NBEAL1: variants seen among roughly 807,000 people sequenced by gnomAD.
NBEAL1 encodes the protein neurobeachin like 1.
NBEAL1 carries 273 observed loss-of-function variants against 351.3 expected under a neutral mutation model. That is an observed-to-expected ratio of 0.78 (90% CI 0.70 to 0.86). NBEAL1 has a LOEUF of 0.86. NBEAL1 is among the 40% of genes least tolerant of loss of function. The pLI is 0.00. For missense variants in NBEAL1, 2,961 were observed against 3,201.3 expected (o/e 0.92, Z 1.81); for synonymous variants, 1,050 against 1,086.4 (o/e 0.97, Z 0.66).
chr2:203,059,927 A>T (rs561017667), intron 6 of NBEAL1, among the ~76,000 whole-genome samples: 3 of 152,328 alleles, frequency 2.0e-5, no homozygotes, highest in South Asian at 2.1e-4. Context: ...GGTTCTAACT[A>T]ATCAGTGTTC....
intron 10 of NBEAL1, among the ~76,000 whole-genome samples, chr2:203,096,523 G>A (rs1418191767): frequency 6.6e-6 from 1 of 152,076 alleles, no homozygotes; most frequent in East Asian, 1.9e-4. Flanking sequence ...CAAGTTGAAG[G>A]CCTTTTGGGA....
chr2:203,138,069 G>T, intron 29 of NBEAL1, 93 bp from the exon 30 acceptor site: 1 of 1,121,050 alleles, frequency 8.9e-7, no homozygotes, highest in South Asian at 1.5e-5. Flanking sequence ...TAGAGATACA[G>T]TGCTGCCTCT....
intron 13 of NBEAL1, 31 bp downstream of exon 13, chr2:203,107,549 C>T (rs1308502022): frequency 5.2e-6 from 8 of 1,540,232 alleles, no homozygotes; most frequent in Non-Finnish European, 6.1e-6. Context: ...AAGAGAATTT[C>T]TGTTAATATC....
chr2:203,024,801 G>A (rs191458614), intron 2 of NBEAL1, among the ~76,000 whole-genome samples: 2 of 152,146 alleles, frequency 1.3e-5, no homozygotes, highest in South Asian at 2.1e-4. Flanking sequence ...GGCGGAGACT[G>A]TAGTGAGCCG....
chr2:203,196,105 A>C (rs1559056318), intron 47 of NBEAL1, among the ~76,000 whole-genome samples: 1 of 152,198 alleles, frequency 6.6e-6, no homozygotes, highest in South Asian at 2.1e-4. Flanking sequence ...ACAAGACCCT[A>C]TTTGACCCAT....
chr2:203,208,080 A>G (rs575882588), intron 51 of NBEAL1, among the ~76,000 whole-genome samples: 1 of 152,222 alleles, frequency 6.6e-6, no homozygotes, highest in South Asian at 2.1e-4. Flanking sequence ...CCCAGAGTTC[A>G]AGACCAGCCT....
In NBEAL1 at chr2:203,172,825, GA is replaced by G; in HGVS notation, c.6302del (p.Asn2101ThrfsTer5). The G allele has an allele frequency of 1.2e-6, 2 of 1,608,076 alleles. No homozygotes were observed. Among genetic ancestry groups the G allele is most frequent in the Non-Finnish European group, 1.7e-6 (2 of 1,177,104 alleles). The part of the protein sequence containing the change: ...DLSKPIGVVN[E>X]KNAKAMREKY... ...TTCCAAACCAATTGGGGTAGTTAAT[GA>G]AAAAAACGCCAAAGCTATGAGAGAA... On this transcript the variant is annotated frameshift_variant, in exon 41 of 56. Transcript: ENST00000683969. LOFTEE classifies it high-confidence loss of function.
chr2:203,207,039 A>C (rs376334349), intron 51 of NBEAL1, among the ~76,000 whole-genome samples: 3 of 145,626 alleles, frequency 2.1e-5, no homozygotes, highest in Non-Finnish European at 4.5e-5. Flanking sequence ...GCCGCCCATC[A>C]TCTGAGATGT....
In NBEAL1 at chr2:203,217,254, T is replaced by C. The variant is rs1034208954; in HGVS notation, c.8072T>C (p.Met2691Thr). Residue 2691 changes from methionine to threonine, a missense_variant and splice_region_variant, in exon 56 of 56, where the codon ATG becomes ACG. Physicochemically the swap from Met to Thr is moderately conservative, Grantham distance 81 (BLOSUM62 -1). Coordinates refer to ENST00000683969, the MANE Select transcript of NBEAL1 (RefSeq NM_001378026.1). ...ATTTCTTTGGATTACTTTACACAGATGCGTTCAGGTCAGCTTTCTCGAAAA... is the reference window on the plus strand; with the variant it reads ...ATTTCTTTGGATTACTTTACACAGACGCGTTCAGGTCAGCTTTCTCGAAAA... ...IVVGVGKPAE[M>T]RSGQLSRKFW... The C allele has an allele frequency of 1.3e-6, 2 of 1,572,700 alleles. No individual in the cohort carries two copies. The highest frequency in any genetic ancestry group is 2.7e-5 in the African/African-American group (2 of 73,242).
intron 42 of NBEAL1, 76 bp from the exon 43 acceptor site, chr2:203,180,306 G>T (rs749485866): frequency 2.1e-5 from 29 of 1,357,424 alleles, no homozygotes; most frequent in Non-Finnish European, 2.8e-5. Context: ...ACCCTGAAGG[G>T]AGTTTAAAAG....
In NBEAL1 at chr2:203,108,098, C is replaced by A. The variant is rs1021780499; in HGVS notation, c.1859C>A (p.Ala620Asp). Residue 620 changes from alanine (A) to aspartate (D), a missense_variant, in exon 14 of 56, where the codon GCC becomes GAC. By Grantham distance (126) the Ala-to-Asp change is moderately radical (BLOSUM62 -2). Coordinates refer to ENST00000683969, the MANE Select transcript of NBEAL1 (RefSeq NM_001378026.1). Reference sequence around the variant, plus strand: ...CCCATACAGAAATGGCCAGGGTCTGCCTTTTCTTTCAGTGCTTGGTTTTGC... The same window carrying A: ...CCCATACAGAAATGGCCAGGGTCTGACTTTTCTTTCAGTGCTTGGTTTTGC... ...VPPIQKWPGSAFSFSAWFCLD... is the reference protein window; with the variant it reads ...VPPIQKWPGSDFSFSAWFCLD... 1 of 1,551,978 alleles carries A rather than the reference C, an allele frequency of 6.4e-7. No individual in the cohort carries two copies. Among genetic ancestry groups the A allele is most frequent in the Non-Finnish European group, 8.7e-7 (1 of 1,147,070 alleles).
intron 6 of NBEAL1, among the ~76,000 whole-genome samples, chr2:203,066,465 A>T (rs1345722930): frequency 6.6e-6 from 1 of 152,004 alleles, no homozygotes; most frequent in Admixed American, 6.6e-5. Context: ...GGTATCTCCT[A>T]TGTCAACTTC....
chr2:203,075,340 C>G (rs1373924565), intron 7 of NBEAL1, among the ~76,000 whole-genome samples: 2 of 152,092 alleles, frequency 1.3e-5, no homozygotes, highest in Admixed American at 1.3e-4. Flanking sequence ...CCTACTTTGT[C>G]AGATACTAAT....
At position 203,221,623 on chromosome 2, in the gene NBEAL1, T is replaced by C. The variant is rs554909057; in HGVS notation, c.*4269T>C. Among the ~76,000 whole-genome samples, 4 of 152,222 alleles carry C rather than the reference T, an allele frequency of 2.6e-5. No individual in the cohort carries two copies. Among genetic ancestry groups the C allele is most frequent in the Admixed American group, 6.6e-5 (1 of 15,266 alleles). ...CATTGTTCCTCTCATCAGCTGAAAC[T>C]GTTTCTCCCCAATAAGTGAGCAATC... is the stretch of plus-strand genomic sequence containing the variant. On this transcript the variant is annotated 3_prime_UTR_variant, in exon 56 of 56. Coordinates refer to ENST00000683969, the MANE Select transcript of NBEAL1 (RefSeq NM_001378026.1).
intron 7 of NBEAL1, among the ~76,000 whole-genome samples, chr2:203,076,491 A>AAAAAAAAC (rs1244244173): frequency 8.5e-6 from 1 of 118,172 alleles, no homozygotes; most frequent in African/African-American, 3.4e-5. Flanking sequence ...ACAAACAAAC[A>AAAAAAAAC]AACAAAAAAA....
intron 7 of NBEAL1, among the ~76,000 whole-genome samples, chr2:203,071,915 T>C (rs1207863936): frequency 1.3e-5 from 2 of 152,208 alleles, no homozygotes; most frequent in Non-Finnish European, 2.9e-5. Flanking sequence ...GTTGATACTC[T>C]GTACTTCATG....
intron 41 of NBEAL1, among the ~76,000 whole-genome samples, chr2:203,174,928 T>G (rs2064449824): frequency 6.6e-6 from 1 of 151,740 alleles, no homozygotes; most frequent in Non-Finnish European, 1.5e-5. Context: ...CAGAATTAAG[T>G]GTTTATGATA....
chr2:203,178,600 A>C (rs763132724), intron 42 of NBEAL1, among the ~76,000 whole-genome samples: 1 of 152,256 alleles, frequency 6.6e-6, no homozygotes, highest in Non-Finnish European at 1.5e-5. Context: ...GTATTGATAC[A>C]TGCTATAATA....
At chr2:203,155,462 G>T (rs1455233396) in intron 35 of NBEAL1, among the ~76,000 whole-genome samples, 1 of 151,634 alleles carries the variant, frequency 6.6e-6, no homozygotes, top group Non-Finnish European at 1.5e-5. Context: ...TGTGAGACAG[G>T]ATATCTTTCT....
Sources: allele counts gnomAD v4.1 joint callset (sites outside exome capture counted in the v4.1 genomes callset), GRCh38; gene constraint gnomAD v4.1.1; transcripts MANE v1.5; gene names NCBI Gene and HGNC (gene_info 2026-07-23, HGNC 2026-07-21).